Variants in USP30 observed in about 807,000 individuals in gnomAD.
USP30 encodes ubiquitin specific peptidase 30.
A neutral mutation model predicts 68.2 loss-of-function variants in USP30; 41 were observed. That is an observed-to-expected ratio of 0.60 (90% CI 0.47 to 0.78). USP30 has a LOEUF of 0.78. Ranked by LOEUF, USP30 falls within the 30% of genes least tolerant of loss-of-function variation. USP30 has a pLI of 0.00. For missense variants in USP30, 522 were observed against 649.4 expected, an observed-to-expected ratio of 0.80 and a Z score of 2.13; for synonymous variants, 229 against 253.7, an observed-to-expected ratio of 0.90 and a Z score of 0.93.
chr12:109,058,218 G>A, intron 3 of USP30, 110 bp downstream of exon 3: 1 of 1,179,854 alleles, frequency 8.5e-7, no homozygotes. Flanking sequence ...AGATCATACA[G>A]ATCATTATGA....
Position 109,086,050 on chromosome 12 carries a change from T to C in USP30, c.*119T>C. The stretch of plus-strand genomic sequence containing the variant: ...TAGAGCCTTCCAGCCTTCTGGTGTG[T>C]TCTAAGAGCAGGCTCCACCTGGGAG... On this transcript the variant is annotated 3_prime_UTR_variant, in exon 13 of 13. Transcript: ENST00000257548. 7.1e-7 allele frequency: 1 copy of C among 1,415,876 alleles called. No individual in the cohort carries two copies. The highest frequency in any genetic ancestry group is 9.3e-7 in the Non-Finnish European group (1 of 1,072,102). The allele number at this position is 1,415,876 out of a possible 1,614,324, so 87.7% of individuals were successfully genotyped here.
At chr12:109,032,634 TG>T (rs1305760574) in intron 3 of USP30, among the ~76,000 whole-genome samples, 1 of 152,170 alleles carries the variant, frequency 6.6e-6, no homozygotes, top group East Asian at 1.9e-4. Context: ...GATCAGTGGT[TG>T]CTTAGGAATG....
At chr12:109,084,862 ATGGGGAG>A (rs1287382853) in intron 11 of USP30, 84 bp from the exon 12 acceptor site, 37 of 1,367,726 alleles carry the variant, frequency 2.7e-5, no homozygotes, top group Non-Finnish European at 3.6e-5. Flanking sequence ...TTGTAGCATT[ATGGGGAG>A]TTAACTTTCA....
Position 109,073,439 on chromosome 12 carries a change from G to A in USP30, c.627G>A (p.Gly209=). The A allele has an allele frequency of 6.2e-7, 1 of 1,613,318 alleles. No individual in the cohort carries two copies. The highest frequency in any genetic ancestry group is 1.3e-5 in the African/African-American group (1 of 75,014). The change falls in exon 7 of 13, where the codon GGG becomes GGA. Residue 209 remains glycine (G), a splice_region_variant and synonymous_variant. Coordinates refer to ENST00000257548, the MANE Select transcript of USP30 (RefSeq NM_032663.5). ...ATCAAAAAACTTTTTGCATTCCAGG[G>A]TCACCTCACCCTACATCCAATCACT... The part of the protein sequence containing the change: ...TPKQITCRTR[G]SPHPTSNHWK...
intron 7 of USP30, among the ~76,000 whole-genome samples, chr12:109,078,338 G>A (rs1476491848): frequency 6.6e-6 from 1 of 151,922 alleles, no homozygotes; most frequent in African/African-American, 2.4e-5. Context: ...GCAGGAGAAT[G>A]GCTTGAACCC....
At chr12:109,058,680 C>T (rs756862288) in intron 3 of USP30, among the ~76,000 whole-genome samples, 7 of 151,750 alleles carry the variant, frequency 4.6e-5, no homozygotes, top group Non-Finnish European at 5.9e-5. Context: ...ACAGTTTCAT[C>T]GTAAGAAGTA....
chr12:109,034,606 G>C (rs1391483378), intron 3 of USP30, among the ~76,000 whole-genome samples: 1 of 152,130 alleles, frequency 6.6e-6, no homozygotes, highest in Non-Finnish European at 1.5e-5. Context: ...TGCTGCTGTT[G>C]GGTGATGTGC....
intron 3 of USP30, among the ~76,000 whole-genome samples, chr12:109,064,216 A>G (rs935388598): frequency 6.6e-6 from 1 of 151,952 alleles, no homozygotes; most frequent in African/African-American, 2.4e-5. Flanking sequence ...CTGAGTTCAT[A>G]TATTCTGGGT....
At chr12:109,045,877 C>T (rs910084901) in intron 3 of USP30, among the ~76,000 whole-genome samples, 14 of 151,966 alleles carry the variant, frequency 9.2e-5, no homozygotes, top group East Asian at 1.9e-4. Context: ...GACACATAGA[C>T]GTAGAACTAG....
At chr12:109,030,640 C>G (rs570632723) in intron 3 of USP30, among the ~76,000 whole-genome samples, 15 of 152,240 alleles carry the variant, frequency 9.9e-5, no homozygotes, top group African/African-American at 3.6e-4. Context: ...TTTTTTGAGA[C>G]GGAGTCTCAC....
At position 109,069,271 on chromosome 12, in the gene USP30, C is replaced by T. The variant is rs561578252; in HGVS notation, c.480+1644C>T. On this transcript the variant is annotated intron_variant, in intron 4 of 12. Transcript: ENST00000257548. The stretch of plus-strand genomic sequence containing the variant: ...TTATAGATCCACCTCCATCCTTTCT[C>T]GGATCTGCTTCAAGCCTGGGCCCAG... Among the ~76,000 whole-genome samples the T allele has an allele frequency of 1.1e-4, 16 of 152,344 alleles. No individual in the cohort carries two copies. The South Asian group carries it at 1.2e-3, about 12-fold the overall frequency.
chr12:109,084,007 C>G (rs2041879104), intron 11 of USP30, among the ~76,000 whole-genome samples: 1 of 152,162 alleles, frequency 6.6e-6, no homozygotes, highest in South Asian at 2.1e-4. Context: ...CCCAGCTTCC[C>G]CATCTCCTGG....
At chr12:109,056,934 T>C in intron 2 of USP30, 143 bp downstream of exon 2, 1 of 525,922 alleles carries the variant, frequency 1.9e-6, no homozygotes, top group Non-Finnish European at 3.3e-6. Context: ...CAAACAGTAC[T>C]TTTACCGTTA....
chr12:109,031,864 G>C (rs1227353821), intron 3 of USP30, among the ~76,000 whole-genome samples: 1 of 152,160 alleles, frequency 6.6e-6, no homozygotes, highest in East Asian at 1.9e-4. Flanking sequence ...AGCACTTTGG[G>C]AGGCCAAGGC....
intron 3 of USP30, among the ~76,000 whole-genome samples, chr12:109,062,749 A>G (rs980499487): frequency 6.6e-6 from 1 of 152,136 alleles, no homozygotes; most frequent in Non-Finnish European, 1.5e-5. Context: ...TACCATTTTC[A>G]GCATATAGTT....
At chr12:109,028,568 A>C (rs1000080640) in intron 3 of USP30, among the ~76,000 whole-genome samples, 1 of 151,892 alleles carries the variant, frequency 6.6e-6, no homozygotes, top group Non-Finnish European at 1.5e-5. Flanking sequence ...ACCTCCACCT[A>C]CCAGGTTCAG....
chr12:109,072,169 A>T, intron 5 of USP30, 136 bp from the exon 6 acceptor site: 1 of 721,952 alleles, frequency 1.4e-6, no homozygotes, highest in Non-Finnish European at 2.4e-6. Flanking sequence ...TACCTTTAGA[A>T]ACCTGAGCTT....
intron 5 of USP30, among the ~76,000 whole-genome samples, chr12:109,072,024 T>TA (rs113780866): frequency 1.2e-3 from 178 of 152,328 alleles, no homozygotes; most frequent in African/African-American, 4.1e-3. Flanking sequence ...CATTTCCCTG[T>TA]AACAGTATAA....
At chr12:109,082,604 GC>G in intron 9 of USP30, 58 bp from the exon 10 acceptor site, 1 of 1,556,574 alleles carries the variant, frequency 6.4e-7, no homozygotes, top group Non-Finnish European at 8.8e-7. Context: ...GTGGTCTGCA[GC>G]ACTCCAAAGC....
Sources: gnomAD v4.1 joint callset for allele counts (sites outside exome capture counted in the v4.1 genomes callset) on GRCh38, gnomAD v4.1.1 for gene constraint, MANE v1.5 for transcripts, NCBI Gene and HGNC (gene_info 2026-07-23, HGNC 2026-07-21) for gene names.